ROBO2: variants seen among roughly 807,000 people sequenced by gnomAD.
ROBO2 encodes the protein roundabout guidance receptor 2, also known as roundabout homolog 2.
In ROBO2, 53 loss-of-function variants were observed where a neutral mutation model predicts 160.8. The ratio of observed to expected loss-of-function variants is 0.33; its 90% CI spans 0.26 to 0.41. ROBO2 has a LOEUF of 0.41. ROBO2 is among the 10% of genes least tolerant of loss of function. The probability of loss-of-function intolerance (pLI) is 1.00; values close to 1 mark genes in which losing one functional copy is unlikely to be tolerated. For missense variants in ROBO2, 1,577 were observed against 1,722.4 expected, an observed-to-expected ratio of 0.92 and a Z score of 1.49; for synonymous variants, 664 against 611.7, an observed-to-expected ratio of 1.09 and a Z score of -1.26.
intron 2 of ROBO2, among the ~76,000 whole-genome samples, chr3:77,168,263 G>A (rs1441580729): frequency 6.6e-6 from 1 of 152,142 alleles, no homozygotes; most frequent in African/African-American, 2.4e-5. Context: ...AAGTAGTCTG[G>A]CTCTTAACCT....
At chr3:76,833,679 G>C (rs926605097) in intron 2 of ROBO2, among the ~76,000 whole-genome samples, 19 of 152,182 alleles carry the variant, frequency 1.2e-4, no homozygotes, top group African/African-American at 3.6e-4. Context: ...TTCTTTTGAT[G>C]TCCTCTTTTT....
At chr3:77,481,386 C>T (rs1406096458) in intron 4 of ROBO2, among the ~76,000 whole-genome samples, 167 bp downstream of exon 4, 2 of 151,962 alleles carry the variant, frequency 1.3e-5, no homozygotes, top group South Asian at 2.1e-4. Context: ...ATGAAAGCTT[C>T]GATGTAAAGA....
intron 2 of ROBO2, among the ~76,000 whole-genome samples, chr3:76,245,533 T>A (rs1433450351): frequency 2.0e-5 from 3 of 152,178 alleles, no homozygotes; most frequent in Non-Finnish European, 4.4e-5. Flanking sequence ...CATTCAAAAA[T>A]AATTTTTAAA....
intron 2 of ROBO2, among the ~76,000 whole-genome samples, chr3:76,306,284 A>G (rs1468545257): frequency 6.6e-6 from 1 of 152,120 alleles, no homozygotes; most frequent in Non-Finnish European, 1.5e-5. Context: ...CTTGGTGACA[A>G]TTTTTGTTTG....
chr3:77,475,560 A>G (rs2083902576), intron 2 of ROBO2, among the ~76,000 whole-genome samples: 1 of 152,178 alleles, frequency 6.6e-6, no homozygotes, highest in African/African-American at 2.4e-5. Context: ...AGGCCCTTCA[A>G]CTGGCCAGCT....
At chr3:77,054,368 G>T (rs988372561) in intron 1 of ROBO2, among the ~76,000 whole-genome samples, 1 of 152,168 alleles carries the variant, frequency 6.6e-6, no homozygotes, top group Non-Finnish European at 1.5e-5. Context: ...TAGACAACTT[G>T]TATGCAGAAA....
At chr3:76,331,215 G>A (rs991586665) in intron 2 of ROBO2, among the ~76,000 whole-genome samples, 1 of 151,892 alleles carries the variant, frequency 6.6e-6, no homozygotes, top group African/African-American at 2.4e-5. Context: ...CTTTTTTTCT[G>A]TTTCTAAATA....
chr3:76,432,560 G>A (rs2076483428), intron 2 of ROBO2, among the ~76,000 whole-genome samples: 2 of 152,102 alleles, frequency 1.3e-5, no homozygotes, highest in Non-Finnish European at 2.9e-5. Context: ...GAAGACTTCA[G>A]TTTCTCACTG....
intron 2 of ROBO2, among the ~76,000 whole-genome samples, chr3:76,272,624 G>A (rs772475802): frequency 5.4e-5 from 6 of 110,542 alleles, no homozygotes; most frequent in Non-Finnish European, 1.1e-4. Context: ...GATCATGCCA[G>A]TGCACTCCAG....
chr3:76,144,166 A>C (rs1295015656), intron 2 of ROBO2, among the ~76,000 whole-genome samples: 4 of 152,038 alleles, frequency 2.6e-5, no homozygotes, highest in Non-Finnish European at 5.9e-5. Flanking sequence ...ACAAGGGGCG[A>C]GGAAGTCAAA....
At chr3:76,921,256 G>A (rs1005029613) in intron 2 of ROBO2, among the ~76,000 whole-genome samples, 24 of 152,184 alleles carry the variant, frequency 1.6e-4, no homozygotes, top group African/African-American at 5.3e-4. Flanking sequence ...TTTCTCTTGT[G>A]AATTTTCTTT....
At chr3:76,304,728 C>CTTTCT (rs199596919) in intron 2 of ROBO2, among the ~76,000 whole-genome samples, 54 of 86,738 alleles carry the variant, frequency 6.2e-4, no homozygotes, top group African/African-American at 1.8e-3. Flanking sequence ...TTCTTTCTTT[C>CTTTCT]TTTCTTTTCT....
intron 2 of ROBO2, among the ~76,000 whole-genome samples, chr3:76,995,521 G>A (rs1391166630): frequency 1.3e-5 from 2 of 152,088 alleles, no homozygotes; most frequent in South Asian, 2.1e-4. Context: ...CTGAGGAATC[G>A]CCACACTGAC....
intron 5 of ROBO2, among the ~76,000 whole-genome samples, chr3:77,504,123 A>C (rs2088096597): frequency 6.6e-6 from 1 of 152,184 alleles, no homozygotes; most frequent in South Asian, 2.1e-4. Flanking sequence ...GAGAAATTAG[A>C]AGTCCCTCTG....
chr3:76,657,848 T>C (rs2091637870), intron 2 of ROBO2, among the ~76,000 whole-genome samples: 1 of 148,284 alleles, frequency 6.7e-6, no homozygotes. Context: ...TGTATATGTA[T>C]GTGTATATAT....
intron 2 of ROBO2, among the ~76,000 whole-genome samples, chr3:76,033,281 A>G (rs1174652858): frequency 1.4e-5 from 2 of 147,600 alleles, no homozygotes; most frequent in Non-Finnish European, 3.0e-5. Flanking sequence ...GGTCTAATGT[A>G]GCTGTGACAC....
chr3:76,913,308 A>C (rs1044994580), intron 2 of ROBO2, among the ~76,000 whole-genome samples: 1 of 152,088 alleles, frequency 6.6e-6, no homozygotes, highest in Non-Finnish European at 1.5e-5. Flanking sequence ...GTCATTACGG[A>C]GGGAGTCACG....
At chr3:77,388,715 T>C (rs941380229) in intron 2 of ROBO2, among the ~76,000 whole-genome samples, 3 of 152,204 alleles carry the variant, frequency 2.0e-5, no homozygotes, top group African/African-American at 7.2e-5. Flanking sequence ...GTGTTTCAAG[T>C]ATTTTATCAT....
chr3:76,152,383 A>G (rs531528484), intron 2 of ROBO2, among the ~76,000 whole-genome samples: 2 of 152,334 alleles, frequency 1.3e-5, no homozygotes, highest in East Asian at 3.9e-4. Context: ...AATTCAGTCA[A>G]TCAAAAGATT....
Sources: allele counts gnomAD v4.1 joint callset (sites outside exome capture counted in the v4.1 genomes callset), GRCh38; gene constraint gnomAD v4.1.1; transcripts MANE v1.5; gene names NCBI Gene and HGNC (gene_info 2026-07-23, HGNC 2026-07-21).